The following DSG4 variants were observed in gnomAD, a reference collection of about 807,000 sequenced individuals.
The protein encoded by DSG4 is desmoglein 4.
In DSG4, 87 loss-of-function variants were observed where a neutral mutation model predicts 93.1. The observed-to-expected ratio is 0.93, with a 90% CI of 0.79 to 1.12. The LOEUF (loss-of-function observed/expected upper bound fraction) is 1.12, where lower values mean the gene tolerates loss of function less well. Among genes scored for constraint, DSG4 ranks in the 50% most tolerant of loss-of-function variants. DSG4 has a pLI of 0.00. For synonymous variants in DSG4, 432 were observed against 452.9 expected (o/e 0.95, Z 0.59); for missense variants, 1,373 against 1,285.7 (o/e 1.07, Z -1.04).
intron 4 of DSG4, among the ~76,000 whole-genome samples, 154 bp from the exon 5 acceptor site, chr18:31,388,720 T>C (rs2072215989): frequency 2.0e-5 from 3 of 152,138 alleles, no homozygotes; most frequent in Non-Finnish European, 2.9e-5. Flanking sequence ...GTACATGTAG[T>C]CAAGTGTCCT....
Position 31,386,789 on chromosome 18 carries a change from G to C in DSG4, c.186G>C (p.Glu62Asp). 1.2e-6 allele frequency: 2 copies of C among 1,613,296 alleles called. No individual in the cohort carries two copies. The highest frequency in any genetic ancestry group is 1.7e-6 in the Non-Finnish European group (2 of 1,179,410). ...TTGCCGCAGCCTGTCGAGAAGGAGA[G>C]GACAACTCGAAGAGGAACCCCATTG... is the stretch of plus-strand genomic sequence containing the variant. ...IKFAAACREG[E>D]DNSKRNPIAK... is the part of the protein sequence containing the mutation. Residue 62 changes from glutamate to aspartate, a missense_variant, in exon 3 of 16, where the codon GAG becomes GAC. Physicochemically the swap from Glu to Asp is conservative, Grantham distance 45. Transcript: ENST00000308128.
intron 12 of DSG4, 100 bp downstream of exon 12, chr18:31,406,473 G>T: frequency 5.5e-6 from 8 of 1,450,980 alleles, no homozygotes; most frequent in Non-Finnish European, 6.7e-6. Context: ...TTTCTTTTTG[G>T]TATCTCTAGC....
At chr18:31,377,887 A>T (rs1213255223) in intron 1 of DSG4, among the ~76,000 whole-genome samples, 1 of 152,226 alleles carries the variant, frequency 6.6e-6, no homozygotes, top group Non-Finnish European at 1.5e-5. Flanking sequence ...TAAGCTTAGA[A>T]AGTGATTCCC....
chr18:31,409,897 AG>A, intron 14 of DSG4, 89 bp downstream of exon 14: 1 of 1,420,718 alleles, frequency 7.0e-7, no homozygotes, highest in Non-Finnish European at 9.8e-7. Flanking sequence ...CTTATGGAAA[AG>A]TCTGTCAGTC....
chr18:31,384,826 A>G (rs1406314318), intron 1 of DSG4, among the ~76,000 whole-genome samples: 1 of 152,116 alleles, frequency 6.6e-6, no homozygotes, highest in Non-Finnish European at 1.5e-5. Flanking sequence ...AGCCCTTTCA[A>G]ATCCCTACTC....
rs761963840 is a variant in DSG4, at chr18:31,413,280, C to T, written c.2808C>T (p.Thr936=). The T allele has an allele frequency of 9.3e-6, 15 of 1,613,942 alleles. No individual in the cohort carries two copies. Among genetic ancestry groups the T allele is most frequent in the Admixed American group, 8.3e-5 (5 of 59,988 alleles). ...AGCTTGCACCCAATGTTGTAGTAAC[C>T]GAAGCAGTAATGGCACCTGTCTATG... ...DPQLAPNVVV[T]EAVMAPVYDI... The change falls in exon 16 of 16, where the codon ACC becomes ACT. Residue 936 remains threonine (T), a synonymous_variant. Transcript: ENST00000308128.
At position 31,376,846 on chromosome 18, in the gene DSG4, G is replaced by A. The variant is rs142563540; in HGVS notation, c.-66G>A. 3,536 of 1,580,242 alleles carry A rather than the reference G, an allele frequency of 2.2e-3. 15 individuals carry two copies. The highest frequency in any genetic ancestry group is 2.6e-3 in the Non-Finnish European group (3,026 of 1,149,936). Reference sequence around the variant, plus strand: ...CATATCTTTCTGTAGAGCAGAATTCGGAACTGAGAAGACGAGGGCTCAAAT... The same window carrying A: ...CATATCTTTCTGTAGAGCAGAATTCAGAACTGAGAAGACGAGGGCTCAAAT... On this transcript the variant is annotated 5_prime_UTR_variant, in exon 1 of 16. Transcript: ENST00000308128.
chr18:31,396,101 A>G (rs1353027991), intron 8 of DSG4, among the ~76,000 whole-genome samples: 1 of 152,110 alleles, frequency 6.6e-6, no homozygotes, highest in Non-Finnish European at 1.5e-5. Context: ...AGTGTATATG[A>G]AAACGCAAGC....
rs188137147 is a variant in DSG4 at position 31,382,781 on chromosome 18, G to A, written c.49-2355G>A. On this transcript the variant is annotated intron_variant, in intron 1 of 15. Transcript: ENST00000308128. ...GAAATACCACAAATATACTATGGAA[G>A]CCTCCATCAGCACAGCATAGGTTCT... Among the ~76,000 whole-genome samples the A allele has an allele frequency of 2.2e-4, 34 of 152,226 alleles. 1 individual carries two copies. The South Asian group carries it at 5.6e-3, about 25-fold the overall frequency.
intron 1 of DSG4, among the ~76,000 whole-genome samples, chr18:31,383,084 T>C (rs556242403): frequency 3.3e-5 from 5 of 152,334 alleles, no homozygotes; most frequent in African/African-American, 1.2e-4. Context: ...CGGGGCACTA[T>C]GAATGCGCCC....
chr18:31,388,443 G>A lies in DSG4; in HGVS notation c.293G>A (p.Gly98Glu), dbSNP rs1009449805. ...SGVGIDRPPY[G>E]VFTINPRTGE... ...GTAGGGATTGATCGACCACCATATG[G>A]GGTATTCACCATTAATCCTCGCACT... is the stretch of plus-strand genomic sequence containing the variant. Residue 98 changes from glycine (G) to glutamate (E), a missense_variant, in exon 4 of 16, where the codon GGG becomes GAG. Physicochemically the swap from Gly to Glu is moderately conservative, Grantham distance 98. Coordinates refer to ENST00000308128, the MANE Select transcript of DSG4 (RefSeq NM_177986.5). 6.2e-7 allele frequency: 1 copy of A among 1,613,392 alleles called. No homozygotes were observed. Among genetic ancestry groups the A allele is most frequent in the Non-Finnish European group, 8.5e-7 (1 of 1,179,630 alleles).
In DSG4 at chr18:31,391,163, T is replaced by A; in HGVS notation, c.770T>A (p.Ile257Asn). The change falls in exon 7 of 16, where the codon ATC becomes AAC. Residue 257 changes from isoleucine to asparagine, a missense_variant. Coordinates refer to ENST00000308128, the MANE Select transcript of DSG4 (RefSeq NM_177986.5). ...CTGTCTTCTGAGTGTGACTGTAGAA[T>A]CAAGGTTTTAGACGTCAACGATAAT... ...DGLSSECDCR[I>N]KVLDVNDNFP... 1.2e-6 allele frequency: 2 copies of A among 1,613,754 alleles called. No homozygotes were observed. Among genetic ancestry groups the A allele is most frequent in the Non-Finnish European group, 1.7e-6 (2 of 1,179,752 alleles).
At position 31,390,682 on chromosome 18, in the gene DSG4, A is replaced by T. The variant is rs1407091344; in HGVS notation, c.544A>T (p.Thr182Ser). Residue 182 changes from threonine to serine, a missense_variant, in exon 6 of 16, where the codon ACA becomes TCA. By Grantham distance (58) the Thr-to-Ser change is moderately conservative. Coordinates refer to ENST00000308128, the MANE Select transcript of DSG4 (RefSeq NM_177986.5). ...TACATTGGTAGTAAAGTTATGTGCC[A>T]CAGATGCAGATGAAGAAAATCATCT... is the stretch of plus-strand genomic sequence containing the variant. Reference protein sequence around the residue: ...ANTLVVKLCATDADEENHLNS... With the variant: ...ANTLVVKLCASDADEENHLNS... 6.2e-7 allele frequency: 1 copy of T among 1,613,668 alleles called. No homozygotes were observed. Among genetic ancestry groups the T allele is most frequent in the East Asian group, 2.2e-5 (1 of 44,856 alleles).
In DSG4 at chr18:31,390,781, A is replaced by G. The variant is rs377108804; in HGVS notation, c.643A>G (p.Thr215Ala). ...ACCCATGTTCATTCTGAATAGGTAC[A>G]CTGGAGAAGTCTGCACCATGTCCAG... ...GAPMFILNRY[T>A]GEVCTMSSFL... The change falls in exon 6 of 16, where the codon ACT becomes GCT. Residue 215 changes from threonine to alanine, a missense_variant. Physicochemically the swap from Thr to Ala is moderately conservative, Grantham distance 58. Coordinates refer to ENST00000308128, the MANE Select transcript of DSG4 (RefSeq NM_177986.5). The G allele has an allele frequency of 8.7e-6, 14 of 1,613,662 alleles. No individual in the cohort carries two copies. The highest frequency in any genetic ancestry group is 1.1e-5 in the Non-Finnish European group (13 of 1,179,774).
At position 31,386,787 on chromosome 18, in the gene DSG4, G is replaced by C; in HGVS notation, c.184G>C (p.Glu62Gln). 6.2e-7 allele frequency: 1 copy of C among 1,613,394 alleles called. No homozygotes were observed. Among genetic ancestry groups the C allele is most frequent in the Non-Finnish European group, 8.5e-7 (1 of 1,179,460 alleles). The change falls in exon 3 of 16, where the codon GAG becomes CAG. Residue 62 changes from glutamate (E) to glutamine (Q), a missense_variant. Coordinates refer to ENST00000308128, the MANE Select transcript of DSG4 (RefSeq NM_177986.5). ...IKFAAACREG[E>Q]DNSKRNPIAK... ...GTTTGCCGCAGCCTGTCGAGAAGGA[G>C]AGGACAACTCGAAGAGGAACCCCAT...
intron 1 of DSG4, among the ~76,000 whole-genome samples, chr18:31,377,580 A>G (rs2072090215): frequency 6.6e-6 from 1 of 152,206 alleles, no homozygotes; most frequent in Non-Finnish European, 1.5e-5. Context: ...TCTTTACAGT[A>G]AACATGGCAT....
chr18:31,392,560 A>G (rs1315002836), intron 8 of DSG4, among the ~76,000 whole-genome samples: 5 of 152,222 alleles, frequency 3.3e-5, no homozygotes, highest in Non-Finnish European at 7.3e-5. Context: ...TTTTGTTCTG[A>G]CAGTGTCCAA....
At position 31,411,244 on chromosome 18, in the gene DSG4, C is replaced by T. The variant is rs753065892; in HGVS notation, c.2151C>T (p.Asn717=). ...CTCCCTTTTCAGAAATCTACACCAACACCTATGCAGCCGGGGGCACGGTGG... is the reference window on the plus strand; with the variant it reads ...CTCCCTTTTCAGAAATCTACACCAATACCTATGCAGCCGGGGGCACGGTGG... ...DRMDSSEIYT[N]TYAAGGTVEG... is the part of the protein sequence containing the mutation. The change falls in exon 15 of 16, where the codon AAC becomes AAT. Residue 717 remains asparagine, a synonymous_variant. Transcript: ENST00000308128. The T allele has an allele frequency of 1.2e-5, 19 of 1,613,862 alleles. No homozygotes were observed. The highest frequency in any genetic ancestry group is 1.6e-5 in the Non-Finnish European group (19 of 1,180,048).
intron 2 of DSG4, among the ~76,000 whole-genome samples, chr18:31,386,331 C>G (rs559296103): frequency 5.6e-4 from 85 of 152,190 alleles, no homozygotes; most frequent in African/African-American, 1.9e-3. Context: ...TCTGTAAATT[C>G]TGGTGAAAGC....
Sources: gnomAD v4.1 joint callset for allele counts (sites outside exome capture counted in the v4.1 genomes callset) on GRCh38, gnomAD v4.1.1 for gene constraint, MANE v1.5 for transcripts, NCBI Gene and HGNC (gene_info 2026-07-23, HGNC 2026-07-21) for gene names.